Variants in PBX3 observed in about 807,000 individuals in gnomAD.
PBX3 encodes pre-B-cell leukemia transcription factor 3.
Under a neutral mutation model 48.5 loss-of-function variants are expected in PBX3, and 14 were observed. The ratio of observed to expected loss-of-function variants is 0.29; its 90% CI spans 0.19 to 0.45. The LOEUF (loss-of-function observed/expected upper bound fraction) is 0.45, where lower values mean the gene tolerates loss of function less well. Among genes scored for constraint, PBX3 ranks in the 20% least tolerant of loss-of-function variants. PBX3 has a pLI of 1.00. For missense variants in PBX3, 386 were observed against 546.7 expected (o/e 0.71, Z 2.93); for synonymous variants, 210 against 200.3 (o/e 1.05, Z -0.41).
intron 3 of PBX3, among the ~76,000 whole-genome samples, chr9:125,918,772 A>G (rs988653773): frequency 6.6e-6 from 1 of 152,190 alleles, no homozygotes; most frequent in African/African-American, 2.4e-5. Flanking sequence ...GCTGGCTTTT[A>G]TAGCTCTTGT....
chr9:125,942,788 A>G (rs1161519228), intron 5 of PBX3, among the ~76,000 whole-genome samples: 1 of 152,238 alleles, frequency 6.6e-6, no homozygotes, highest in African/African-American at 2.4e-5. Context: ...GAGGTGGGAC[A>G]TCATTAAACA....
chr9:125,835,469 T>A (rs982557928), intron 2 of PBX3, among the ~76,000 whole-genome samples: 2 of 151,992 alleles, frequency 1.3e-5, no homozygotes, highest in Non-Finnish European at 2.9e-5. Context: ...GCTATTTAAT[T>A]GACAAGGGAT....
At chr9:125,778,976 A>G (rs903277902) in intron 2 of PBX3, among the ~76,000 whole-genome samples, 3 of 131,490 alleles carry the variant, frequency 2.3e-5, no homozygotes, top group African/African-American at 8.8e-5. Flanking sequence ...ATGTTGTGCA[A>G]CCATCACTGA....
At position 125,963,016 on chromosome 9, in the gene PBX3, A is replaced by T. The variant is rs1477938887; in HGVS notation, c.1127A>T (p.Asp376Val). The T allele has an allele frequency of 6.9e-6, 11 of 1,596,032 alleles. No individual in the cohort carries two copies. The highest frequency in any genetic ancestry group is 2.2e-5 in the East Asian group (1 of 44,508). ...QVGANVQSQV[D>V]TLRHVINQTG... ...TTTGTTTTGTCTCACTTCTAGGTGG[A>T]TACCCTCCGTCATGTTATCAATCAG... The change falls in exon 8 of 9, where the codon GAT (aspartate) becomes GTT (valine). Residue 376 changes from aspartate to valine, a missense_variant. Physicochemically the swap from Asp to Val is radical, Grantham distance 152. Around this residue, in one of 4 missense-constraint regions of PBX3, gnomAD observed 127 missense variants for 143.3 expected, o/e 0.89. Transcript: ENST00000373489.
At chr9:125,819,425 T>C (rs1184724938) in intron 2 of PBX3, among the ~76,000 whole-genome samples, 1 of 151,446 alleles carries the variant, frequency 6.6e-6, no homozygotes, top group Non-Finnish European at 1.5e-5. Context: ...ACTCGGAAGG[T>C]TGAGGCAGGA....
At chr9:125,763,944 C>A (rs542352028) in intron 2 of PBX3, among the ~76,000 whole-genome samples, 4 of 152,168 alleles carry the variant, frequency 2.6e-5, no homozygotes, top group African/African-American at 9.6e-5. Context: ...GTCATTTAAA[C>A]GTTGTTTATG....
chr9:125,879,326 G>A (rs1006997841), intron 2 of PBX3, among the ~76,000 whole-genome samples: 5 of 151,770 alleles, frequency 3.3e-5, no homozygotes, highest in Admixed American at 2.0e-4. Flanking sequence ...CGTGATCAGC[G>A]CACCTCGGCC....
At chr9:125,772,381 A>T (rs1193221566) in intron 2 of PBX3, among the ~76,000 whole-genome samples, 2 of 152,222 alleles carry the variant, frequency 1.3e-5, no homozygotes, top group Non-Finnish European at 2.9e-5. Flanking sequence ...AGCTTGGCAC[A>T]TCTTAACATA....
intron 2 of PBX3, chr9:125,865,400 C>G (rs1389025311): frequency 1.2e-5 from 2 of 165,678 alleles, no homozygotes; most frequent in Admixed American, 6.5e-5. Context: ...TAGGGAATTT[C>G]TGTAGTATCT....
chr9:125,917,348 T>G (rs1841356922), intron 3 of PBX3, among the ~76,000 whole-genome samples: 1 of 152,216 alleles, frequency 6.6e-6, no homozygotes, highest in Non-Finnish European at 1.5e-5. Context: ...AGGGGTTCAT[T>G]TGTTAAAATT....
chr9:125,921,182 C>CTT (rs1179082975), intron 3 of PBX3, among the ~76,000 whole-genome samples: 1 of 152,182 alleles, frequency 6.6e-6, no homozygotes, highest in Non-Finnish European at 1.5e-5. Flanking sequence ...CATGCCTGGA[C>CTT]TTTTCCTTGC....
chr9:125,840,470 A>G (rs1839259227), intron 2 of PBX3, among the ~76,000 whole-genome samples: 1 of 151,102 alleles, frequency 6.6e-6, no homozygotes, highest in African/African-American at 2.4e-5. Context: ...ATTATTACTT[A>G]TATATGCTTC....
rs1213022886 is a variant in PBX3 at position 125,935,409 on chromosome 9, A to AC, written c.708-60dup. On this transcript the variant is annotated intron_variant, in intron 4 of 8. Transcript: ENST00000373489. ...TACTTTTTTGGTATCATCCTAATTA[A>AC]CCCATCCCTCTTAGGTTAATGCTGA... is the stretch of plus-strand genomic sequence containing the variant. The AC allele has an allele frequency of 2.7e-6, 4 of 1,473,808 alleles. No individual in the cohort carries two copies. The East Asian group carries it at 9.1e-5, about 33-fold the overall frequency. 91.3% of individuals were successfully genotyped at this position (1,473,808 alleles called of 1,614,324 possible). A position where few individuals can be genotyped will look rare whatever the true frequency, so the allele number is the denominator to read the frequency against.
At chr9:125,947,055 G>A (rs967454089) in intron 5 of PBX3, among the ~76,000 whole-genome samples, 1 of 152,146 alleles carries the variant, frequency 6.6e-6, no homozygotes, top group African/African-American at 2.4e-5. Context: ...CAAATTAAAT[G>A]TCCGCCTAGA....
At chr9:125,950,104 T>C (rs1213508046) in intron 5 of PBX3, among the ~76,000 whole-genome samples, 3 of 152,224 alleles carry the variant, frequency 2.0e-5, no homozygotes, top group African/African-American at 4.8e-5. Flanking sequence ...GTAAATGTTG[T>C]CTGTGGTAAT....
intron 4 of PBX3, among the ~76,000 whole-genome samples, chr9:125,933,686 G>C (rs976871422): frequency 1.3e-5 from 2 of 152,122 alleles, no homozygotes; most frequent in African/African-American, 4.8e-5. Flanking sequence ...TAAGGGGGCA[G>C]CTATCACTCA....
rs534886040 is a variant in PBX3, at chr9:125,821,860, A to G, written c.274+73237A>G. Among the ~76,000 whole-genome samples the G allele has an allele frequency of 7.9e-5, 12 of 152,244 alleles. No individual in the cohort carries two copies. In the South Asian group the frequency reaches 2.3e-3, roughly 29 times the overall value. On this transcript the variant is annotated intron_variant, in intron 2 of 8. Transcript: ENST00000373489. ...ACCCCTTAAAGGCTGCTAATGAGAA[A>G]TAGAGCCTCATTATGATTTTAAGGA...
intron 2 of PBX3, among the ~76,000 whole-genome samples, chr9:125,768,720 A>G (rs1198140259): frequency 2.6e-5 from 4 of 152,202 alleles, no homozygotes; most frequent in Admixed American, 6.5e-5. Flanking sequence ...ATCTGGCCTC[A>G]TACAGATACC....
intron 5 of PBX3, among the ~76,000 whole-genome samples, chr9:125,959,654 A>G (rs1016494724): frequency 2.0e-5 from 3 of 152,218 alleles, no homozygotes; most frequent in Admixed American, 6.5e-5. Flanking sequence ...CAGGGCCCCT[A>G]TGAATAGCTG....
Sources: gnomAD v4.1 joint callset for allele counts (sites outside exome capture counted in the v4.1 genomes callset) on GRCh38, gnomAD v4.1.1 for gene constraint, gnomAD v4.1.1 regional missense constraint, MANE v1.5 for transcripts, NCBI Gene and HGNC (gene_info 2026-07-23, HGNC 2026-07-21) for gene names.